CHD2: variants seen among roughly 807,000 people sequenced by gnomAD.
CHD2 encodes the protein ATP-dependent chromatin remodeler CHD2.
In CHD2, 28 loss-of-function variants were observed where a neutral mutation model predicts 243.9. The observed-to-expected ratio is 0.11, with a 90% CI of 0.09 to 0.16. The LOEUF is 0.16. Ranked by LOEUF, CHD2 falls within the 10% of genes least tolerant of loss-of-function variation. CHD2 has a pLI of 1.00. For missense variants in CHD2, 1,386 were observed against 2,209.8 expected, an observed-to-expected ratio of 0.63 and a Z score of 7.47; for synonymous variants, 775 against 779.0, an observed-to-expected ratio of 0.99 and a Z score of 0.09.
intron 37 of CHD2, among the ~76,000 whole-genome samples, chr15:93,017,626 C>T (rs904027300): frequency 3.3e-5 from 5 of 150,730 alleles, no homozygotes; most frequent in Non-Finnish European, 5.9e-5. Context: ...GGATAACAGG[C>T]GTGAGCCACT....
chr15:92,908,661 CCT>C (rs1468243197), intron 2 of CHD2, among the ~76,000 whole-genome samples: 1 of 152,180 alleles, frequency 6.6e-6, no homozygotes, highest in Non-Finnish European at 1.5e-5. Context: ...CTTTCCATTG[CCT>C]GTCCCATTTT....
intron 13 of CHD2, among the ~76,000 whole-genome samples, chr15:92,953,046 T>G (rs769328868): frequency 6.6e-6 from 1 of 152,354 alleles, no homozygotes; most frequent in East Asian, 1.9e-4. Context: ...TTACAAAGCC[T>G]GTCTTCTCTG....
rs765118718 is a variant in CHD2 at position 92,953,457 on chromosome 15, C to T, written c.1603C>T (p.Pro535Ser). 1 of 1,614,092 alleles carries T rather than the reference C, an allele frequency of 6.2e-7. No homozygotes were observed. The highest frequency in any genetic ancestry group is 8.5e-7 in the Non-Finnish European group (1 of 1,180,020). The change falls in exon 14 of 39, where the codon CCC becomes TCC. Residue 535 changes from proline to serine, a missense_variant. Physicochemically the swap from Pro to Ser is moderately conservative, Grantham distance 74. Coordinates refer to ENST00000394196, the MANE Select transcript of CHD2 (RefSeq NM_001271.4). ...YLFHQHQLYGPFLIVVPLSTL... is the reference protein window; with the variant it reads ...YLFHQHQLYGSFLIVVPLSTL... ...GTTCCACCAACACCAGCTGTATGGC[C>T]CCTTTCTTATAGTCGTCCCTTTATC...
At chr15:92,983,135 A>G (rs79881865) in intron 24 of CHD2, among the ~76,000 whole-genome samples, 1,871 of 152,176 alleles carry the variant, frequency 0.012, 36 homozygotes, top group African/African-American at 0.039. Context: ...ATGACCTCCT[A>G]ACACCTTACA....
At chr15:92,942,517 T>A (rs2141786673) in intron 8 of CHD2, among the ~76,000 whole-genome samples, 1 of 152,134 alleles carries the variant, frequency 6.6e-6, no homozygotes, top group South Asian at 2.1e-4. Context: ...CTATCCTTAG[T>A]CTTGGAGAGA....
intron 5 of CHD2, among the ~76,000 whole-genome samples, chr15:92,932,751 G>A (rs576726299): frequency 3.3e-5 from 5 of 152,118 alleles, no homozygotes; most frequent in African/African-American, 9.6e-5. Context: ...ACCCCGTCAC[G>A]ATTTGTATTA....
chr15:92,945,667 G>A, intron 10 of CHD2, 154 bp from the exon 11 acceptor site: 1 of 424,322 alleles, frequency 2.4e-6, no homozygotes. Flanking sequence ...CAAAGTGCTG[G>A]GATTACAGGC....
At chr15:92,981,507 T>C (rs563716675) in intron 24 of CHD2, 50 bp downstream of exon 24, 3 of 1,420,038 alleles carry the variant, frequency 2.1e-6, no homozygotes, top group African/African-American at 2.8e-5. Flanking sequence ...TCATTAATGA[T>C]GACTAATGTT....
At chr15:92,938,409 A>G (rs2053301829) in intron 6 of CHD2, among the ~76,000 whole-genome samples, 2 of 152,182 alleles carry the variant, frequency 1.3e-5, no homozygotes, top group Non-Finnish European at 2.9e-5. Context: ...TTCTTTCATT[A>G]TGTAAGGACC....
intron 2 of CHD2, chr15:92,921,417 C>T (rs1358920893): frequency 6.6e-6 from 1 of 152,178 alleles, no homozygotes; most frequent in Admixed American, 6.5e-5. Flanking sequence ...GGGAGGTGAA[C>T]AAGCCTTCAG....
chr15:92,908,056 A>G (rs975971050), intron 2 of CHD2, among the ~76,000 whole-genome samples: 7 of 134,118 alleles, frequency 5.2e-5, no homozygotes, highest in Admixed American at 1.7e-4. Flanking sequence ...GAGAGAGCAT[A>G]TGACTCTTCC....
intron 7 of CHD2, among the ~76,000 whole-genome samples, chr15:92,939,923 A>G (rs2053330859): frequency 1.3e-5 from 2 of 152,234 alleles, no homozygotes; most frequent in Non-Finnish European, 2.9e-5. Flanking sequence ...GCAATAGCTC[A>G]TTTGAAGCCT....
At chr15:93,006,124 CTTTTTTTTTT>C (rs55820002) in intron 34 of CHD2, among the ~76,000 whole-genome samples, 1 of 125,266 alleles carries the variant, frequency 8.0e-6, no homozygotes, top group Non-Finnish European at 1.7e-5. Context: ...CTCTCTCTCT[CTTTTTTTTTT>C]TTTTTTTTTT....
At chr15:92,934,498 C>G (rs2053230338) in intron 5 of CHD2, among the ~76,000 whole-genome samples, 1 of 152,174 alleles carries the variant, frequency 6.6e-6, no homozygotes, top group African/African-American at 2.4e-5. Context: ...TGCTCACGAT[C>G]TCATATCTTA....
intron 31 of CHD2, among the ~76,000 whole-genome samples, chr15:92,999,870 A>G (rs1011724146): frequency 6.6e-6 from 1 of 152,030 alleles, no homozygotes; most frequent in African/African-American, 2.4e-5. Flanking sequence ...TATTATCTTT[A>G]TTTGTACTTT....
intron 37 of CHD2, 45 bp from the exon 38 acceptor site, chr15:93,019,967 C>A (rs1427137711): frequency 6.4e-7 from 1 of 1,558,404 alleles, no homozygotes; most frequent in Non-Finnish European, 8.7e-7. Flanking sequence ...AAGTGAAATT[C>A]ATCCATTTCT....
chr15:92,926,204 C>G (rs1243140019), intron 3 of CHD2, among the ~76,000 whole-genome samples: 1 of 152,236 alleles, frequency 6.6e-6, no homozygotes, highest in Non-Finnish European at 1.5e-5. Context: ...AGCTCCTGAA[C>G]TCAAGCCATT....
At position 93,020,191 on chromosome 15, in the gene CHD2, A is replaced by G; in HGVS notation, c.5086A>G (p.Arg1696Gly). 1 of 1,614,180 alleles carries G rather than the reference A, an allele frequency of 6.2e-7. No homozygotes were observed. The highest frequency in any genetic ancestry group is 8.5e-7 in the Non-Finnish European group (1 of 1,180,022). The change falls in exon 38 of 39, where the codon AGA becomes GGA. Residue 1696 changes from arginine to glycine, a missense_variant. Transcript: ENST00000394196. ...SGSYRPNNMSRKRPYDQYSSD... is the reference protein window; with the variant it reads ...SGSYRPNNMSGKRPYDQYSSD... The stretch of plus-strand genomic sequence containing the variant: ...AAGCTATCGACCCAACAACATGTCC[A>G]GAAAGAGGCCTTATGACCAGTACAG...
intron 24 of CHD2, among the ~76,000 whole-genome samples, chr15:92,981,907 T>G (rs1265285557): frequency 5.3e-5 from 8 of 152,238 alleles, no homozygotes; most frequent in Non-Finnish European, 8.8e-5. Context: ...GTGTCTCATA[T>G]AACAGAAAAT....
Sources: allele counts gnomAD v4.1 joint callset (sites outside exome capture counted in the v4.1 genomes callset), GRCh38; gene constraint gnomAD v4.1.1; transcripts MANE v1.5; gene names NCBI Gene and HGNC (gene_info 2026-07-23, HGNC 2026-07-21).